CTDSPL2: variants seen among roughly 807,000 people sequenced by gnomAD.
CTDSPL2 encodes the protein CTD small phosphatase-like protein 2.
Under a neutral mutation model 60.0 loss-of-function variants are expected in CTDSPL2, and 5 were observed. The ratio of observed to expected loss-of-function variants is 0.08; its 90% CI spans 0.04 to 0.18. The LOEUF is 0.18. Among genes scored for constraint, CTDSPL2 ranks in the 10% least tolerant of loss-of-function variants. The pLI is 1.00. For synonymous variants in CTDSPL2, 186 were observed against 189.3 expected (o/e 0.98, Z 0.14); for missense variants, 370 against 548.8 (o/e 0.67, Z 3.26).
chr15:44,496,570 T>A (rs763457995), intron 6 of CTDSPL2, 112 bp downstream of exon 6: 3 of 781,618 alleles, frequency 3.8e-6, no homozygotes, highest in Non-Finnish European at 6.4e-6. Flanking sequence ...GACCTGTAGG[T>A]ATTTGAAACT....
At chr15:44,505,181 T>C (rs536867936) in intron 8 of CTDSPL2, among the ~76,000 whole-genome samples, 12 of 152,062 alleles carry the variant, frequency 7.9e-5, no homozygotes, top group African/African-American at 2.4e-4. Flanking sequence ...CCTGTAATGA[T>C]AGCACTTTGG....
chr15:44,524,083 T>G, intron 12 of CTDSPL2, 26 bp from the exon 13 acceptor site: 1 of 1,602,124 alleles, frequency 6.2e-7, no homozygotes, highest in Non-Finnish European at 8.6e-7. Context: ...TTATGCCTTT[T>G]TAAAAATTGT....
In CTDSPL2 at chr15:44,521,360, A is replaced by G. The variant is rs145613424; in HGVS notation, c.1289A>G (p.Asn430Ser). The G allele has an allele frequency of 1.6e-4, 257 of 1,594,000 alleles. 1 individual carries two copies. The African/African-American group carries it at 3.1e-3, about 19-fold the overall frequency. The change falls in exon 12 of 13, where the codon AAT (asparagine) becomes AGT (serine). Residue 430 changes from asparagine to serine, a missense_variant. This residue lies in a region of CTDSPL2 where 46 missense variants were observed against 126.0 expected (regional missense o/e 0.37). Coordinates refer to ENST00000260327, the MANE Select transcript of CTDSPL2 (RefSeq NM_016396.3). ...AGTTGGTTTATGGATAAAAATGACA[A>G]TGAACTCCTAAAATTGATTCCATTC... is the stretch of plus-strand genomic sequence containing the variant. ...IESWFMDKND[N>S]ELLKLIPFLE... is the part of the protein sequence containing the mutation.
chr15:44,477,830 C>T (rs1349080903), intron 2 of CTDSPL2, among the ~76,000 whole-genome samples: 1 of 150,688 alleles, frequency 6.6e-6, no homozygotes, highest in African/African-American at 2.4e-5. Context: ...AAGAGCGAAA[C>T]GTAGTCTCAA....
chr15:44,458,951 C>A, intron 1 of CTDSPL2, 40 bp from the exon 2 acceptor site: 1 of 1,301,800 alleles, frequency 7.7e-7, no homozygotes, highest in Non-Finnish European at 1.0e-6. Context: ...AATTTAATAA[C>A]TTTTAATTTT....
intron 2 of CTDSPL2, among the ~76,000 whole-genome samples, chr15:44,477,893 C>T (rs1348017908): frequency 1.3e-5 from 2 of 151,858 alleles, no homozygotes; most frequent in Non-Finnish European, 2.9e-5. Flanking sequence ...ACATATTTTC[C>T]ATTATGTTAT....
rs1025380909 is a variant in CTDSPL2, at chr15:44,468,280, A to G, written c.186+9080A>G. Among the ~76,000 whole-genome samples, 5 of 152,186 alleles carry G rather than the reference A, an allele frequency of 3.3e-5. No individual in the cohort carries two copies. The East Asian group carries it at 7.7e-4, about 23-fold the overall frequency. On this transcript the variant is annotated intron_variant, in intron 2 of 12. Transcript: ENST00000260327. The stretch of plus-strand genomic sequence containing the variant: ...TTTCTCTTTCTTGTTTTAGTCATAC[A>G]TGTTTTTAAGGAATTTAAGTTGATT...
At chr15:44,469,799 AGAAAC>A (rs1192353996) in intron 2 of CTDSPL2, among the ~76,000 whole-genome samples, 1 of 152,182 alleles carries the variant, frequency 6.6e-6, no homozygotes, top group Non-Finnish European at 1.5e-5. Flanking sequence ...AAAGAAGTAA[AGAAAC>A]AAAAGAATGG....
At chr15:44,469,339 C>T (rs183175700) in intron 2 of CTDSPL2, among the ~76,000 whole-genome samples, 42 of 152,232 alleles carry the variant, frequency 2.8e-4, no homozygotes, top group African/African-American at 9.9e-4. Flanking sequence ...AATATTTTTA[C>T]TTTCTTGCCC....
intron 8 of CTDSPL2, among the ~76,000 whole-genome samples, chr15:44,500,961 A>G (rs1036344197): frequency 6.6e-6 from 1 of 152,208 alleles, no homozygotes; most frequent in Non-Finnish European, 1.5e-5. Context: ...ATGTACATAA[A>G]ATTAAAAGAT....
intron 1 of CTDSPL2, among the ~76,000 whole-genome samples, chr15:44,441,652 A>C (rs2080089120): frequency 6.6e-6 from 1 of 151,874 alleles, no homozygotes; most frequent in South Asian, 2.1e-4. Context: ...CTCTCCTAGG[A>C]AGGGGTTGTA....
chr15:44,452,417 A>C (rs1567066837), intron 1 of CTDSPL2, among the ~76,000 whole-genome samples: 1 of 152,294 alleles, frequency 6.6e-6, no homozygotes, highest in South Asian at 2.1e-4. Context: ...AAAACACCAC[A>C]GTATTCATCT....
At position 44,506,109 on chromosome 15, in the gene CTDSPL2, A is replaced by G. The variant is rs575256664; in HGVS notation, c.969+6296A>G. On this transcript the variant is annotated intron_variant, in intron 8 of 12. Transcript: ENST00000260327. ...CAATGGCGCTATCTTGGCTCACCAC[A>G]ATCTCTGCCTCCCAGGTTCAAGAAA... Among the ~76,000 whole-genome samples the G allele has an allele frequency of 4.4e-3, 646 of 147,596 alleles. 3 individuals carry two copies. The highest frequency in any genetic ancestry group is 0.015 in the African/African-American group (614 of 39,864).
intron 1 of CTDSPL2, among the ~76,000 whole-genome samples, chr15:44,440,203 T>TG (rs2080056745): frequency 6.6e-6 from 1 of 151,612 alleles, no homozygotes; most frequent in East Asian, 1.9e-4. Context: ...TTTTGTGTTT[T>TG]TTTTTTTTTT....
At chr15:44,476,215 C>G (rs1162582963) in intron 2 of CTDSPL2, among the ~76,000 whole-genome samples, 1 of 151,912 alleles carries the variant, frequency 6.6e-6, no homozygotes, top group East Asian at 1.9e-4. Flanking sequence ...ACTACAGGCG[C>G]CCACCACCAC....
intron 7 of CTDSPL2, among the ~76,000 whole-genome samples, chr15:44,498,515 G>A (rs1382591688): frequency 6.6e-6 from 1 of 152,182 alleles, no homozygotes; most frequent in Non-Finnish European, 1.5e-5. Context: ...GAGGCCAGGA[G>A]TTTGAGGCGG....
chr15:44,455,348 C>G (rs545356700), intron 1 of CTDSPL2, among the ~76,000 whole-genome samples: 37 of 152,280 alleles, frequency 2.4e-4, no homozygotes, highest in African/African-American at 8.7e-4. Flanking sequence ...CCTAAATATA[C>G]AATCATGTCA....
chr15:44,451,495 G>A (rs1488240136), intron 1 of CTDSPL2, among the ~76,000 whole-genome samples: 1 of 151,972 alleles, frequency 6.6e-6, no homozygotes, highest in African/African-American at 2.4e-5. Context: ...AACTCTTAAG[G>A]GATCAAGAGT....
chr15:44,446,584 A>AGAAC (rs1362354448), intron 1 of CTDSPL2, among the ~76,000 whole-genome samples: 3 of 151,274 alleles, frequency 2.0e-5, no homozygotes, highest in African/African-American at 7.3e-5. Flanking sequence ...GAGCTGAGAT[A>AGAAC]GAACCACTGC....
Sources: gnomAD v4.1 joint callset for allele counts (sites outside exome capture counted in the v4.1 genomes callset) on GRCh38, gnomAD v4.1.1 for gene constraint, gnomAD v4.1.1 regional missense constraint, MANE v1.5 for transcripts, NCBI Gene and HGNC (gene_info 2026-07-23, HGNC 2026-07-21) for gene names.